The following AGBL4 variants were observed in gnomAD, a reference collection of about 807,000 sequenced individuals.
AGBL4 encodes AGBL carboxypeptidase 4, also known as cytosolic carboxypeptidase 6.
AGBL4 carries 58 observed loss-of-function variants against 66.4 expected under a neutral mutation model. The ratio of observed to expected loss-of-function variants is 0.87; its 90% CI spans 0.71 to 1.09. The LOEUF is 1.09. Among genes scored for constraint, AGBL4 ranks in the 50% least tolerant of loss-of-function variants. The probability of loss-of-function intolerance (pLI) is 0.00; values close to 1 mark genes in which losing one functional copy is unlikely to be tolerated. For synonymous variants in AGBL4, 234 were observed against 222.9 expected (o/e 1.05, Z -0.44); for missense variants, 579 against 631.0 (o/e 0.92, Z 0.88).
intron 3 of AGBL4, among the ~76,000 whole-genome samples, chr1:49,607,664 T>C (rs1645084363): frequency 6.6e-6 from 1 of 152,140 alleles, no homozygotes. Context: ...AGTGTGTCTT[T>C]AGTCTATACA....
intron 4 of AGBL4, among the ~76,000 whole-genome samples, chr1:49,104,052 C>T (rs1320328087): frequency 1.5e-4 from 23 of 152,270 alleles, no homozygotes; most frequent in Non-Finnish European, 4.4e-5. Flanking sequence ...TAGGAACATG[C>T]TATGCACTAG....
At chr1:48,898,134 C>T (rs4304637) in intron 5 of AGBL4, among the ~76,000 whole-genome samples, 136,622 of 152,164 alleles carry the variant, frequency 0.9, 61,755 homozygotes, top group Non-Finnish European at 0.96. Flanking sequence ...GATTATTTGG[C>T]TTTTGTTTTT....
intron 2 of AGBL4, chr1:49,844,566 C>A (rs1410421920): frequency 2.3e-6 from 2 of 888,262 alleles, no homozygotes; most frequent in Non-Finnish European, 3.2e-6. Flanking sequence ...TTTAAATAGT[C>A]AAAGCCACTT....
intron 3 of AGBL4, among the ~76,000 whole-genome samples, chr1:49,418,374 G>A (rs1333762810): frequency 6.6e-6 from 1 of 152,136 alleles, no homozygotes; most frequent in Non-Finnish European, 1.5e-5. Context: ...TGTGACAAGA[G>A]CTATGGTTAT....
chr1:48,836,886 T>C (rs1452179243), intron 6 of AGBL4, among the ~76,000 whole-genome samples: 1 of 151,386 alleles, frequency 6.6e-6, no homozygotes, highest in Admixed American at 6.6e-5. Context: ...TTGTAGAGGC[T>C]GGGCTAAATG....
intron 3 of AGBL4, among the ~76,000 whole-genome samples, chr1:49,585,834 G>A (rs1259222857): frequency 6.6e-6 from 1 of 152,152 alleles, no homozygotes; most frequent in Non-Finnish European, 1.5e-5. Flanking sequence ...TTTGGGCACA[G>A]GCAGAGTCGA....
chr1:49,690,468 C>T (rs1646865715), intron 3 of AGBL4, among the ~76,000 whole-genome samples: 1 of 152,186 alleles, frequency 6.6e-6, no homozygotes, highest in African/African-American at 2.4e-5. Flanking sequence ...TACCTAGGCA[C>T]AAATCCTGTA....
chr1:48,653,661 G>A (rs748974714), intron 7 of AGBL4, among the ~76,000 whole-genome samples: 1 of 152,148 alleles, frequency 6.6e-6, no homozygotes, highest in East Asian at 1.9e-4. Context: ...AGTTGAAGAC[G>A]TAACATTGAA....
At chr1:49,735,207 G>A (rs1369693828) in intron 2 of AGBL4, among the ~76,000 whole-genome samples, 1 of 151,740 alleles carries the variant, frequency 6.6e-6, no homozygotes, top group Non-Finnish European at 1.5e-5. Flanking sequence ...ATTACAGTAA[G>A]ACCATAACAT....
intron 6 of AGBL4, among the ~76,000 whole-genome samples, chr1:48,715,024 G>C (rs996041700): frequency 5.3e-5 from 8 of 152,228 alleles, no homozygotes; most frequent in Non-Finnish European, 1.2e-4. Flanking sequence ...AAATAAAGCA[G>C]AGGAAAAGGA....
At chr1:49,887,893 G>T (rs1273951572) in intron 1 of AGBL4, among the ~76,000 whole-genome samples, 1 of 152,012 alleles carries the variant, frequency 6.6e-6, no homozygotes, top group Non-Finnish European at 1.5e-5. Context: ...GAGAAAAGAT[G>T]ATAAAAATAA....
chr1:48,976,671 C>T (rs1200757903), intron 5 of AGBL4, among the ~76,000 whole-genome samples: 1 of 152,082 alleles, frequency 6.6e-6, no homozygotes, highest in African/African-American at 2.4e-5. Context: ...TTGGTCTTAT[C>T]CTTGCAGTTC....
intron 9 of AGBL4, among the ~76,000 whole-genome samples, chr1:48,598,848 T>C (rs1256074260): frequency 2.0e-5 from 3 of 152,130 alleles, no homozygotes; most frequent in African/African-American, 7.2e-5. Flanking sequence ...ACTTTTTTAC[T>C]TTATAAACTT....
At chr1:49,226,120 C>A (rs1208309968) in intron 4 of AGBL4, among the ~76,000 whole-genome samples, 2 of 152,160 alleles carry the variant, frequency 1.3e-5, no homozygotes, top group Non-Finnish European at 2.9e-5. Flanking sequence ...AGTCTATATT[C>A]TTTCTTGTCA....
intron 11 of AGBL4, among the ~76,000 whole-genome samples, chr1:48,564,015 C>G (rs909613149): frequency 6.6e-6 from 1 of 152,120 alleles, no homozygotes; most frequent in African/African-American, 2.4e-5. Context: ...GCTCAATGAT[C>G]GGGCCTATGA....
intron 9 of AGBL4, among the ~76,000 whole-genome samples, chr1:48,592,088 T>G (rs535366695): frequency 1.3e-5 from 2 of 152,330 alleles, no homozygotes; most frequent in East Asian, 3.9e-4. Flanking sequence ...TCAGCCCAGC[T>G]TATATCCATT....
chr1:48,990,146 C>G (rs562168344), intron 5 of AGBL4, among the ~76,000 whole-genome samples: 1 of 152,038 alleles, frequency 6.6e-6, no homozygotes, highest in Non-Finnish European at 1.5e-5. Flanking sequence ...TGTTGAGAAC[C>G]TTTTCATATG....
At chr1:49,447,888 T>A (rs1646194303) in intron 3 of AGBL4, among the ~76,000 whole-genome samples, 1 of 152,158 alleles carries the variant, frequency 6.6e-6, no homozygotes, top group Admixed American at 6.5e-5. Context: ...TATCTGCTCA[T>A]AATTTTGGTT....
At chr1:49,227,613 T>C (rs1650010618) in intron 4 of AGBL4, among the ~76,000 whole-genome samples, 1 of 152,236 alleles carries the variant, frequency 6.6e-6, no homozygotes, top group Admixed American at 6.5e-5. Flanking sequence ...CTTATGTCTA[T>C]GTCCAGTTGT....
Sources: gnomAD v4.1 joint callset for allele counts (sites outside exome capture counted in the v4.1 genomes callset) on GRCh38, gnomAD v4.1.1 for gene constraint, MANE v1.5 for transcripts, NCBI Gene and HGNC (gene_info 2026-07-23, HGNC 2026-07-21) for gene names.